The following FMNL3 variants were observed in gnomAD, a reference collection of about 807,000 sequenced individuals.
The protein encoded by FMNL3 is formin-like protein 3.
Under a neutral mutation model 119.6 loss-of-function variants are expected in FMNL3, and 57 were observed. The observed-to-expected ratio is 0.48, with a 90% confidence interval of 0.39 to 0.59. The LOEUF is 0.59. Among genes scored for constraint, FMNL3 ranks in the 20% least tolerant of loss-of-function variants. FMNL3 has a pLI of 0.00. For missense variants in FMNL3, 1,053 were observed against 1,323.5 expected, an observed-to-expected ratio of 0.80 and a Z score of 3.17; for synonymous variants, 491 against 507.3, an observed-to-expected ratio of 0.97 and a Z score of 0.43.
Position 49,654,313 on chromosome 12 carries a change from G to C in FMNL3, c.961-11C>G. 6.2e-7 allele frequency: 1 copy of C among 1,611,634 alleles called. No homozygotes were observed. The highest frequency in any genetic ancestry group is 8.5e-7 in the Non-Finnish European group (1 of 1,177,970). On this transcript the variant is annotated splice_polypyrimidine_tract_variant and intron_variant, in intron 10 of 25. Transcript: ENST00000335154. ...CTGCATGCAGGCCACCTGAAGAAGA[G>C]GAGGCCCAGAGAAGCAGCAACAGGA...
At chr12:49,700,006 C>T (rs1944859344) in intron 1 of FMNL3, among the ~76,000 whole-genome samples, 1 of 152,212 alleles carries the variant, frequency 6.6e-6, no homozygotes, top group African/African-American at 2.4e-5. Context: ...CCCAATAATT[C>T]CACTTCTAGC....
intron 1 of FMNL3, 93 bp from the exon 2 acceptor site, chr12:49,668,647 C>G (rs1943956443): frequency 9.2e-7 from 1 of 1,092,656 alleles, no homozygotes; most frequent in Non-Finnish European, 1.4e-6. Context: ...CTACTGGGCC[C>G]TCAGACTTCA....
In FMNL3 at chr12:49,639,800, C is replaced by T. The variant is rs1942356478; in HGVS notation, c.*6015G>A. On this transcript the variant is annotated 3_prime_UTR_variant, in exon 26 of 26. Transcript: ENST00000335154. Reference sequence around the variant, plus strand: ...GAGGTGTCAGGGCAGTGGATGATGGCACTATTGATAAGGATAAAACAAGAA... The same window carrying T: ...GAGGTGTCAGGGCAGTGGATGATGGTACTATTGATAAGGATAAAACAAGAA... The T allele has an allele frequency of 6.6e-6, 1 of 151,990 alleles. No homozygotes were observed. The highest frequency in any genetic ancestry group is 1.5e-5 in the Non-Finnish European group (1 of 68,008). 9.4% of individuals were successfully genotyped at this position (151,990 alleles called of 1,614,324 possible).
chr12:49,642,384 A>G lies in FMNL3; in HGVS notation c.*3431T>C, dbSNP rs1942795735. 1 of 1,612,930 alleles carries G rather than the reference A, an allele frequency of 6.2e-7. No homozygotes were observed. The highest frequency in any genetic ancestry group is 8.5e-7 in the Non-Finnish European group (1 of 1,179,612). ...CTGCCTGGGAAGAGGTCAGGAGCGT[A>G]GCCTGGCCCCAAGCACCCCTCAAGC... On this transcript the variant is annotated 3_prime_UTR_variant, in exon 26 of 26. Coordinates refer to ENST00000335154, the MANE Select transcript of FMNL3 (RefSeq NM_175736.5). The surrounding 1 kb of genome is among the most constrained non-coding windows in gnomAD (Gnocchi z 5.8).
intron 1 of FMNL3, among the ~76,000 whole-genome samples, chr12:49,682,670 T>C (rs1318303403): frequency 2.6e-5 from 4 of 152,186 alleles, no homozygotes; most frequent in African/African-American, 9.7e-5. Flanking sequence ...CTTTAAAATA[T>C]ATAAAAGAGT....
chr12:49,653,592 T>G lies in FMNL3; in HGVS notation c.1221+133A>C, dbSNP rs928275799. ...TGATCCAGTGGCTCAGGCCTGAGTA[T>G]GCTCTTGAGAGCCCTGGTGGGTTCT... On this transcript the variant is annotated intron_variant, in intron 12 of 25. Coordinates refer to ENST00000335154, the MANE Select transcript of FMNL3 (RefSeq NM_175736.5). The G allele has an allele frequency of 1.4e-5, 18 of 1,300,890 alleles. No homozygotes were observed. The African/African-American group carries it at 2.5e-4, about 18-fold the overall frequency. 80.6% of individuals were successfully genotyped at this position (1,300,890 alleles called of 1,614,324 possible). A position where few individuals can be genotyped will look rare whatever the true frequency, so the allele number is the denominator to read the frequency against.
chr12:49,651,490 G>C (rs531948356), intron 14 of FMNL3, 40 bp from the exon 15 acceptor site: 9 of 1,424,410 alleles, frequency 6.3e-6, no homozygotes, highest in Middle Eastern at 2.5e-4. Context: ...CAGGCGTCAA[G>C]AGACTCTTCA....
rs992775763 is a variant in FMNL3, at chr12:49,641,835, T to C, written c.*3980A>G. 37 of 1,274,760 alleles carry C rather than the reference T, an allele frequency of 2.9e-5. No homozygotes were observed. Among genetic ancestry groups the C allele is most frequent in the South Asian group, 1.8e-4 (15 of 83,784 alleles). The allele number at this position is 1,274,760 out of a possible 1,614,324, so 79.0% of individuals were successfully genotyped here. A position where few individuals can be genotyped will look rare whatever the true frequency, so the allele number is the denominator to read the frequency against. ...CAAGGGCCTTCTTGACCATCTGTAA[T>C]GTGACCACTCTGCCTGCCAGCTTTG... On this transcript the variant is annotated 3_prime_UTR_variant, in exon 26 of 26. Coordinates refer to ENST00000335154, the MANE Select transcript of FMNL3 (RefSeq NM_175736.5).
At chr12:49,666,311 A>G in intron 2 of FMNL3, 104 bp from the exon 3 acceptor site, 1 of 982,924 alleles carries the variant, frequency 1.0e-6, no homozygotes, top group Non-Finnish European at 1.5e-6. Context: ...AGGGGGACTC[A>G]GCCTCTCCAA....
chr12:49,640,846 G>A lies in FMNL3; in HGVS notation c.*4969C>T, dbSNP rs1472876151. On this transcript the variant is annotated 3_prime_UTR_variant, in exon 26 of 26. Coordinates refer to ENST00000335154, the MANE Select transcript of FMNL3 (RefSeq NM_175736.5). The stretch of plus-strand genomic sequence containing the variant: ...GAGCATGGTGGAAAGGATGTTCCAG[G>A]TTAGGTGAGGTGTCTGCTTGATGGA... The A allele has an allele frequency of 6.6e-6, 1 of 152,222 alleles. No individual in the cohort carries two copies. The highest frequency in any genetic ancestry group is 1.5e-5 in the Non-Finnish European group (1 of 68,056). 9.4% of individuals were successfully genotyped at this position (152,222 alleles called of 1,614,324 possible). A position where few individuals can be genotyped will look rare whatever the true frequency, so the allele number is the denominator to read the frequency against.
chr12:49,645,779 T>C lies in FMNL3; in HGVS notation c.*36A>G. ...GGTCCACTGGTTGGACTTGTAGGAC[T>C]CTGAGGGGTGAAGTGCTTCTGCCTC... On this transcript the variant is annotated 3_prime_UTR_variant, in exon 26 of 26. Transcript: ENST00000335154. 6.4e-7 allele frequency: 1 copy of C among 1,569,904 alleles called. No homozygotes were observed. The highest frequency in any genetic ancestry group is 8.7e-7 in the Non-Finnish European group (1 of 1,154,744).
At chr12:49,673,175 A>T (rs1456116337) in intron 1 of FMNL3, among the ~76,000 whole-genome samples, 2 of 152,166 alleles carry the variant, frequency 1.3e-5, no homozygotes, top group African/African-American at 4.8e-5. Context: ...TGAGAAACTG[A>T]ATCTAGAACT....
rs1465857902 is a variant in FMNL3 at position 49,693,635 on chromosome 12, GGTTTTTTTTTTTT to G, written c.126+13407_126+13419del. Among the ~76,000 whole-genome samples, 38 of 21,242 alleles carry G rather than the reference GGTTTTTTTTTTTT, an allele frequency of 1.8e-3. 1 individual carries two copies. The highest frequency in any genetic ancestry group is 3.2e-3 in the Admixed American group (4 of 1,244). The allele number at this position is 21,242 out of a possible 152,430, so 13.9% of individuals were successfully genotyped here. On this transcript the variant is annotated intron_variant, in intron 1 of 25. Transcript: ENST00000335154. The stretch of plus-strand genomic sequence containing the variant: ...CCACCCGCCTCAGCCTCCCAATCTT[GGTTTTTTTTTTTT>G]TTTTTTTTTTTTTTTTTGAGACAGA...
rs777843728 is a variant in FMNL3, at chr12:49,642,287, G to A, written c.*3528C>T. 42 of 1,614,088 alleles carry A rather than the reference G, an allele frequency of 2.6e-5. No homozygotes were observed. The highest frequency in any genetic ancestry group is 6.6e-5 in the South Asian group (6 of 91,096). ...AGGGAGCGGGAGAAGGAGGAGGCAC[G>A]CAGGATGCGGCGCAGGGAAGCTGCC... On this transcript the variant is annotated 3_prime_UTR_variant, in exon 26 of 26. Transcript: ENST00000335154. The surrounding 1 kb of genome is among the most constrained non-coding windows in gnomAD (Gnocchi z 5.8).
chr12:49,693,469 C>T (rs1052879848), intron 1 of FMNL3, among the ~76,000 whole-genome samples: 4 of 151,516 alleles, frequency 2.6e-5, no homozygotes, highest in African/African-American at 9.7e-5. Flanking sequence ...CCTCTACCTC[C>T]CAGGTTCAAG....
intron 1 of FMNL3, among the ~76,000 whole-genome samples, chr12:49,701,824 G>A (rs377183338): frequency 7.9e-5 from 12 of 152,150 alleles, no homozygotes; most frequent in South Asian, 4.2e-4. Context: ...TTTGGGAGGC[G>A]AGGCAGGAGA....
rs1942962063 is a variant in FMNL3, at chr12:49,643,628, G to A, written c.*2187C>T. 6.4e-7 allele frequency: 1 copy of A among 1,553,536 alleles called. No individual in the cohort carries two copies. The highest frequency in any genetic ancestry group is 8.8e-7 in the Non-Finnish European group (1 of 1,140,674). On this transcript the variant is annotated 3_prime_UTR_variant, in exon 26 of 26. Coordinates refer to ENST00000335154, the MANE Select transcript of FMNL3 (RefSeq NM_175736.5). ...CTGTGAAGAATGAACAGAGGGGCTA[G>A]AACAAAGAAAAAGAGCCTGTCTTTC... is the stretch of plus-strand genomic sequence containing the variant.
intron 1 of FMNL3, chr12:49,688,402 T>C (rs1264520870): frequency 2.2e-6 from 1 of 456,038 alleles, no homozygotes; most frequent in South Asian, 1.5e-5. Context: ...CCAAACTCCT[T>C]ACCAAGGCCA....
At chr12:49,684,095 C>T (rs774946440) in intron 1 of FMNL3, among the ~76,000 whole-genome samples, 4 of 152,192 alleles carry the variant, frequency 2.6e-5, no homozygotes, top group Non-Finnish European at 5.9e-5. Flanking sequence ...ATGTGTTTGT[C>T]TCCCCCTCTA....
Sources: gnomAD v4.1 joint callset for allele counts (sites outside exome capture counted in the v4.1 genomes callset) on GRCh38, gnomAD v4.1.1 for gene constraint, Gnocchi (gnomAD v3.1) non-coding constraint, MANE v1.5 for transcripts, NCBI Gene and HGNC (gene_info 2026-07-23, HGNC 2026-07-21) for gene names.